Variants in KCNAB1 observed in about 807,000 individuals in gnomAD.
KCNAB1 encodes voltage-gated potassium channel subunit beta-1.
In KCNAB1, 35 loss-of-function variants were observed where a neutral mutation model predicts 64.6. The observed-to-expected ratio is 0.54, with a 90% CI of 0.41 to 0.72. The LOEUF is 0.72. Among genes scored for constraint, KCNAB1 ranks in the 30% least tolerant of loss-of-function variants. The pLI, the probability that KCNAB1 is intolerant of heterozygous loss-of-function variation, is 0.00. For missense variants in KCNAB1, 401 were observed against 512.9 expected, an observed-to-expected ratio of 0.78 and a Z score of 2.11; for synonymous variants, 177 against 183.8, an observed-to-expected ratio of 0.96 and a Z score of 0.30.
intron 1 of KCNAB1, among the ~76,000 whole-genome samples, chr3:156,214,226 A>T (rs1484151397): frequency 2.0e-5 from 3 of 152,096 alleles, no homozygotes. Context: ...GAATTATTGA[A>T]TCTGAGGAGG....
At chr3:156,476,425 C>T (rs1485828694) in intron 8 of KCNAB1, among the ~76,000 whole-genome samples, 1 of 152,010 alleles carries the variant, frequency 6.6e-6, no homozygotes, top group African/African-American at 2.4e-5. Flanking sequence ...GGTTACTTCA[C>T]TTAGAATAAT....
intron 11 of KCNAB1, among the ~76,000 whole-genome samples, chr3:156,518,289 G>A (rs1057461915): frequency 1.9e-4 from 29 of 152,110 alleles, no homozygotes; most frequent in African/African-American, 7.0e-4. Context: ...CTTCTTTAGA[G>A]CTCTGCAGAC....
intron 4 of KCNAB1, among the ~76,000 whole-genome samples, chr3:156,458,798 C>T (rs192708881): frequency 2.0e-5 from 3 of 152,302 alleles, no homozygotes; most frequent in Non-Finnish European, 4.4e-5. Flanking sequence ...GTTTGTATTA[C>T]TCCTGTGAGG....
At chr3:156,365,585 C>G (rs1180607957) in intron 1 of KCNAB1, among the ~76,000 whole-genome samples, 1 of 152,164 alleles carries the variant, frequency 6.6e-6, no homozygotes. Context: ...CTTTCATATT[C>G]ATATACTTTC....
intron 12 of KCNAB1, among the ~76,000 whole-genome samples, chr3:156,525,095 G>A (rs187218673): frequency 3.2e-3 from 482 of 152,060 alleles, no homozygotes; most frequent in African/African-American, 0.011. Context: ...ACTGGTTTAT[G>A]TATTTACTAT....
At chr3:156,470,012 A>G (rs1322234424) in intron 7 of KCNAB1, among the ~76,000 whole-genome samples, 1 of 152,226 alleles carries the variant, frequency 6.6e-6, no homozygotes, top group Non-Finnish European at 1.5e-5. Context: ...TAAGACAGAA[A>G]GTTCAAATTG....
chr3:156,367,521 A>C (rs994431362), intron 1 of KCNAB1, among the ~76,000 whole-genome samples: 1 of 151,962 alleles, frequency 6.6e-6, no homozygotes, highest in Non-Finnish European at 1.5e-5. Flanking sequence ...TCACAGAAAA[A>C]CCTGTTTGGA....
chr3:156,284,341 C>G (rs1011169886), intron 1 of KCNAB1, among the ~76,000 whole-genome samples: 2 of 152,202 alleles, frequency 1.3e-5, no homozygotes, highest in Non-Finnish European at 2.9e-5. Context: ...TCTCCAGCTG[C>G]GTGCTCGGAG....
chr3:156,466,945 C>T (rs1465305294), intron 7 of KCNAB1, among the ~76,000 whole-genome samples: 1 of 152,012 alleles, frequency 6.6e-6, no homozygotes, highest in Non-Finnish European at 1.5e-5. Flanking sequence ...TACAGATGCT[C>T]CCAAATTTAT....
At chr3:156,536,581 TGCTAAATATAGA>T in intron 13 of KCNAB1, 65 bp from the exon 14 acceptor site, 2 of 966,454 alleles carry the variant, frequency 2.1e-6, no homozygotes, top group Non-Finnish European at 3.4e-6. Context: ...TAGATTACTT[TGCTAAATATAGA>T]GCACAAAAAA....
intron 7 of KCNAB1, among the ~76,000 whole-genome samples, chr3:156,469,479 A>G (rs1240941061): frequency 2.0e-5 from 3 of 151,816 alleles, no homozygotes; most frequent in Non-Finnish European, 4.4e-5. Flanking sequence ...GACTGGTCTC[A>G]AATTCCTGAC....
chr3:156,288,744 C>T (rs1720231598), intron 1 of KCNAB1, among the ~76,000 whole-genome samples: 1 of 151,536 alleles, frequency 6.6e-6, no homozygotes, highest in South Asian at 2.1e-4. Flanking sequence ...TTCTTTGAGG[C>T]ATGTCCTAAA....
chr3:156,189,987 A>G (rs1308581412), intron 1 of KCNAB1, among the ~76,000 whole-genome samples: 2 of 152,240 alleles, frequency 1.3e-5, no homozygotes, highest in Non-Finnish European at 2.9e-5. Flanking sequence ...ACCAAAAGCA[A>G]TTATTAAAAC....
intron 1 of KCNAB1, chr3:156,176,773 G>T (rs1712402696): frequency 2.3e-6 from 2 of 885,680 alleles, no homozygotes; most frequent in South Asian, 1.3e-5. Context: ...GGTCCTGCTT[G>T]CAGCAAAGCT....
intron 1 of KCNAB1, among the ~76,000 whole-genome samples, chr3:156,139,569 ACTCCATT>A (rs1320442181): frequency 8.0e-6 from 1 of 125,014 alleles, no homozygotes; most frequent in East Asian, 2.3e-4. Context: ...TTTCTCCCTA[ACTCCATT>A]GTACTGTGTT....
chr3:156,222,906 A>G (rs901045482), intron 1 of KCNAB1, among the ~76,000 whole-genome samples: 1 of 152,228 alleles, frequency 6.6e-6, no homozygotes, highest in Non-Finnish European at 1.5e-5. Context: ...AAAACCTATC[A>G]AAACCTCTGG....
intron 1 of KCNAB1, among the ~76,000 whole-genome samples, chr3:156,403,627 G>A (rs901077044): frequency 1.3e-5 from 2 of 152,130 alleles, no homozygotes; most frequent in African/African-American, 4.8e-5. Flanking sequence ...GGGCATGGTG[G>A]CTCACACCTG....
At chr3:156,130,756 C>T (rs1016067196) in intron 1 of KCNAB1, among the ~76,000 whole-genome samples, 2 of 152,300 alleles carry the variant, frequency 1.3e-5, no homozygotes, top group Non-Finnish European at 1.5e-5. Flanking sequence ...TTCTGTAACT[C>T]GGGATGTGGC....
At chr3:156,417,366 T>A (rs1312016987) in intron 1 of KCNAB1, among the ~76,000 whole-genome samples, 1 of 152,232 alleles carries the variant, frequency 6.6e-6, no homozygotes, top group Non-Finnish European at 1.5e-5. Context: ...CAAACCCAGC[T>A]TGTTTCTGCC....
Sources: gnomAD v4.1 joint callset for allele counts (sites outside exome capture counted in the v4.1 genomes callset) on GRCh38, gnomAD v4.1.1 for gene constraint, MANE v1.5 for transcripts, NCBI Gene and HGNC (gene_info 2026-07-23, HGNC 2026-07-21) for gene names.